SRSF11: variants seen among roughly 807,000 people sequenced by gnomAD.
SRSF11 encodes the protein serine/arginine-rich splicing factor 11.
Under a neutral mutation model 56.0 loss-of-function variants are expected in SRSF11, and 9 were observed. That is an observed-to-expected ratio of 0.16 (90% CI 0.10 to 0.28). SRSF11 has a LOEUF of 0.28. Ranked by LOEUF, SRSF11 falls within the 10% of genes least tolerant of loss-of-function variation. The pLI is 1.00. For synonymous variants in SRSF11, 222 were observed against 215.3 expected (o/e 1.03, Z -0.27); for missense variants, 421 against 600.7 (o/e 0.70, Z 3.13).
Position 70,249,964 on chromosome 1 carries a change from A to G in SRSF11, c.1035A>G (p.Arg345=). The G allele has an allele frequency of 1.2e-6, 2 of 1,614,154 alleles. No individual in the cohort carries two copies. The highest frequency in any genetic ancestry group is 2.2e-5 in the East Asian group (1 of 44,882). ...RSRSASRERR[R]RRSRSGTRSP... is the part of the protein sequence containing the mutation. ...TTTGTGATTCTAGAGAGAGACGACG[A>G]CGAAGAAGCAGGAGTGGCACAAGAT... The change falls in exon 10 of 12, where the codon CGA becomes CGG. Residue 345 remains arginine (R), a synonymous_variant. Coordinates refer to ENST00000370949, the MANE Select transcript of SRSF11 (RefSeq NM_001350605.2).
chr1:70,205,821 A>C, intron 1 of SRSF11: 1 of 337,770 alleles, frequency 3.0e-6, no homozygotes, highest in Non-Finnish European at 5.5e-6. Context: ...TTTCGGGTTT[A>C]TTGTTTGCAC....
chr1:70,225,510 TAAGGTGGAAATTGG>T (rs967850685), intron 1 of SRSF11, among the ~76,000 whole-genome samples: 7 of 152,146 alleles, frequency 4.6e-5, no homozygotes, highest in Non-Finnish European at 1.0e-4. Context: ...AGCACACTAT[TAAGGTGGAAATTGG>T]AAGGCTGATA....
chr1:70,214,507 T>G (rs1479114853), intron 1 of SRSF11, among the ~76,000 whole-genome samples: 5 of 152,184 alleles, frequency 3.3e-5, no homozygotes, highest in Admixed American at 3.3e-4. Context: ...AAAAAAATGG[T>G]CACAGATAGA....
intron 9 of SRSF11, 41 bp from the exon 10 acceptor site, chr1:70,249,911 C>A: frequency 6.3e-7 from 1 of 1,584,408 alleles, no homozygotes; most frequent in Non-Finnish European, 8.7e-7. Flanking sequence ...TTTAAGATCA[C>A]ACTGTATTTT....
At chr1:70,208,535 G>T (rs769003288) in intron 1 of SRSF11, among the ~76,000 whole-genome samples, 2 of 151,948 alleles carry the variant, frequency 1.3e-5, no homozygotes, top group African/African-American at 4.8e-5. Context: ...GCAGGGTTTC[G>T]CCATGTTGGC....
In SRSF11 at chr1:70,221,457, C is replaced by G. The variant is rs1670587750; in HGVS notation, c.-180C>G. ...GAGCTCGCGCGCTCTCATCCCCTCC[C>G]CCGCGGCGTGCGGCGGGGCGGAGAA... On this transcript the variant is annotated 5_prime_UTR_variant, in exon 1 of 12. Coordinates refer to ENST00000370949, the MANE Select transcript of SRSF11 (RefSeq NM_001350605.2). 3.2e-6 allele frequency: 3 copies of G among 923,770 alleles called. No individual in the cohort carries two copies. The East Asian group carries it at 7.8e-5, about 24-fold the overall frequency. 57.2% of individuals were successfully genotyped at this position (923,770 alleles called of 1,614,324 possible). A position where few individuals can be genotyped will look rare whatever the true frequency, so the allele number is the denominator to read the frequency against.
intron 1 of SRSF11, among the ~76,000 whole-genome samples, chr1:70,212,793 A>G (rs1397488571): frequency 1.3e-5 from 2 of 152,054 alleles, no homozygotes; most frequent in African/African-American, 4.8e-5. Flanking sequence ...AGGAAAGCCA[A>G]GTGTCGTGGC....
At chr1:70,250,204 A>T in intron 10 of SRSF11, 157 bp downstream of exon 10, 1 of 1,311,326 alleles carries the variant, frequency 7.6e-7, no homozygotes, top group Non-Finnish European at 1.1e-6. Context: ...TTAAGGACTG[A>T]ACATTTTAGT....
chr1:70,207,558 T>G (rs1166555651), intron 1 of SRSF11, among the ~76,000 whole-genome samples: 4 of 151,994 alleles, frequency 2.6e-5, no homozygotes, highest in African/African-American at 9.7e-5. Context: ...TAAGAGACAC[T>G]TCAGTTGTTT....
chr1:70,233,405 A>G (rs1673264784), intron 3 of SRSF11, among the ~76,000 whole-genome samples: 1 of 151,826 alleles, frequency 6.6e-6, no homozygotes, highest in South Asian at 2.1e-4. Flanking sequence ...ATGCCTGACT[A>G]ATTTTTGTAT....
At position 70,252,688 on chromosome 1, in the gene SRSF11, G is replaced by A. The variant is rs1042561224; in HGVS notation, c.*1883G>A. The A allele has an allele frequency of 6.6e-6, 1 of 152,104 alleles. No homozygotes were observed. Among genetic ancestry groups the A allele is most frequent in the Non-Finnish European group, 1.5e-5 (1 of 67,996 alleles). The allele number at this position is 152,104 out of a possible 1,614,324, so 9.4% of individuals were successfully genotyped here. The stretch of plus-strand genomic sequence containing the variant: ...CAAATGACATTTGTTTTAAACTTTA[G>A]TAGATAAAAGGTGAACCATGTGACA... On this transcript the variant is annotated 3_prime_UTR_variant, in exon 12 of 12. Transcript: ENST00000370949.
intron 5 of SRSF11, among the ~76,000 whole-genome samples, chr1:70,236,695 A>T (rs547082594): frequency 2.7e-4 from 40 of 149,918 alleles, no homozygotes; most frequent in African/African-American, 8.9e-4. Flanking sequence ...TCAAGACTTC[A>T]TGTGTAATTT....
chr1:70,240,358 G>A (rs954633168), intron 7 of SRSF11, among the ~76,000 whole-genome samples: 5 of 152,218 alleles, frequency 3.3e-5, no homozygotes, highest in Non-Finnish European at 7.3e-5. Flanking sequence ...AAGATAGTGA[G>A]TGACTCCTAG....
chr1:70,241,790 C>A (rs1048317832), intron 7 of SRSF11, among the ~76,000 whole-genome samples: 15 of 152,222 alleles, frequency 9.9e-5, no homozygotes, highest in African/African-American at 3.4e-4. Context: ...ACAGTGCTCT[C>A]ATAGTTTAGT....
chr1:70,246,663 C>T (rs375455342), intron 8 of SRSF11, 155 bp from the exon 9 acceptor site: 1 of 471,426 alleles, frequency 2.1e-6, no homozygotes, highest in African/African-American at 2.0e-5. Flanking sequence ...AAATATGCCA[C>T]ATAAAGTATT....
At chr1:70,217,561 C>A (rs1670127221), upstream of SRSF11, among the ~76,000 whole-genome samples, 1 of 152,090 alleles carries the variant, frequency 6.6e-6, no homozygotes, top group Non-Finnish European at 1.5e-5. Context: ...CTGGGAAAAT[C>A]CTTGGAACAG....
intron 1 of SRSF11, among the ~76,000 whole-genome samples, chr1:70,224,113 G>A (rs983383961): frequency 6.6e-6 from 1 of 152,108 alleles, no homozygotes; most frequent in Non-Finnish European, 1.5e-5. Flanking sequence ...TATGCAAGAG[G>A]ATGTGCACAG....
chr1:70,225,046 A>G (rs1671471047), intron 1 of SRSF11, among the ~76,000 whole-genome samples: 1 of 152,210 alleles, frequency 6.6e-6, no homozygotes, highest in Non-Finnish European at 1.5e-5. Flanking sequence ...CTTGAACCCA[A>G]GTTGTGACTC....
intron 5 of SRSF11, 152 bp from the exon 6 acceptor site, chr1:70,237,273 A>G (rs1278366092): frequency 4.7e-6 from 4 of 846,696 alleles, no homozygotes; most frequent in African/African-American, 3.5e-5. Flanking sequence ...GTGCTATGCT[A>G]TATGTTGTTT....
Sources: allele counts gnomAD v4.1 joint callset (sites outside exome capture counted in the v4.1 genomes callset), GRCh38; gene constraint gnomAD v4.1.1; transcripts MANE v1.5; gene names NCBI Gene and HGNC (gene_info 2026-07-23, HGNC 2026-07-21).